Variants in PARP4 observed in about 807,000 individuals in gnomAD.
The protein encoded by PARP4 is poly(ADP-ribose) polymerase family member 4.
Under a neutral mutation model 187.7 loss-of-function variants are expected in PARP4, and 120 were observed. That is an observed-to-expected ratio of 0.64 (90% CI 0.55 to 0.74). The LOEUF is 0.74. Ranked by LOEUF, PARP4 falls within the 30% of genes least tolerant of loss-of-function variation. PARP4 has a pLI of 0.00. For synonymous variants in PARP4, 654 were observed against 740.9 expected, an observed-to-expected ratio of 0.88 and a Z score of 1.90; for missense variants, 1,836 against 2,070.5, an observed-to-expected ratio of 0.89 and a Z score of 2.20.
At chr13:24,445,833 C>T (rs895972799) in intron 27 of PARP4, among the ~76,000 whole-genome samples, 10 of 152,098 alleles carry the variant, frequency 6.6e-5, no homozygotes, top group African/African-American at 1.9e-4. Context: ...TACTTGCTAC[C>T]GGTGTCTGGA....
At chr13:24,465,344 T>C (rs1290872870) in intron 17 of PARP4, among the ~76,000 whole-genome samples, 2 of 152,174 alleles carry the variant, frequency 1.3e-5, no homozygotes, top group African/African-American at 4.8e-5. Context: ...CATGTGTATG[T>C]TCGTTGCAGC....
intron 1 of PARP4, 27 bp from the exon 2 acceptor site, chr13:24,503,804 C>T (rs746712103): frequency 3.7e-6 from 6 of 1,602,780 alleles, no homozygotes; most frequent in Non-Finnish European, 5.1e-6. Context: ...TTTTAAGGAC[C>T]CTCTCTTAAG....
intron 17 of PARP4, among the ~76,000 whole-genome samples, chr13:24,466,322 C>A (rs1593620177): frequency 6.6e-6 from 1 of 152,154 alleles, no homozygotes; most frequent in African/African-American, 2.4e-5. Context: ...GCTGGGACTA[C>A]AGGCATGCAT....
At chr13:24,499,508 A>T (rs1328875903) in intron 4 of PARP4, 132 bp from the exon 5 acceptor site, 11 of 691,168 alleles carry the variant, frequency 1.6e-5, no homozygotes, top group Non-Finnish European at 2.5e-5. Context: ...TGGTAAGTCC[A>T]CATGGTAAGT....
chr13:24,434,369 G>C lies in PARP4; in HGVS notation c.4746+26C>G, dbSNP rs1870495038. On this transcript the variant is annotated intron_variant, in intron 31 of 33. Transcript: ENST00000381989. ...TAAACTATGAAGCCAGCCAACCACA[G>C]ATTTAAGGAGAAATAAGACACATAC... The C allele has an allele frequency of 4.6e-6, 7 of 1,516,220 alleles. No homozygotes were observed. The African/African-American group carries it at 7.0e-5, about 15-fold the overall frequency. 93.9% of individuals were successfully genotyped at this position (1,516,220 alleles called of 1,614,324 possible).
At chr13:24,492,317 G>C in intron 9 of PARP4, 104 bp downstream of exon 9, 1 of 751,126 alleles carries the variant, frequency 1.3e-6, no homozygotes, top group Admixed American at 3.0e-5. Flanking sequence ...TACAACTCTG[G>C]AGACAATTTC....
intron 15 of PARP4, 135 bp from the exon 16 acceptor site, chr13:24,470,160 C>A (rs1872670986): frequency 7.8e-6 from 6 of 765,218 alleles, no homozygotes; most frequent in Admixed American, 5.6e-5. Flanking sequence ...AAATTCCCAA[C>A]CCTGGCTTCA....
rs563697536 is a variant in PARP4 at position 24,485,933 on chromosome 13, C to T, written c.1352+235G>A. On this transcript the variant is annotated intron_variant, in intron 11 of 33. Transcript: ENST00000381989. ...CCCTGGCCTCAAGTGATCCTTCTGC[C>T]TCAGCCTCCCAAAGTATTAGGATTA... 5.9e-5 allele frequency among the ~76,000 whole-genome samples: 9 copies of T among 152,260 alleles called. No individual in the cohort carries two copies. In the East Asian group the frequency reaches 1.3e-3, roughly 23 times the overall value.
At chr13:24,440,418 T>A (rs201773518) in intron 30 of PARP4, among the ~76,000 whole-genome samples, 61 of 31,304 alleles carry the variant, frequency 1.9e-3, no homozygotes, top group Middle Eastern at 0.015. Context: ...AAAATTAAAA[T>A]TAAAAAAAAA....
rs368905646 is a variant in PARP4, at chr13:24,469,874, G to A, written c.2046+20C>T. The A allele has an allele frequency of 1.3e-4, 204 of 1,605,868 alleles. No individual in the cohort carries two copies. The African/African-American group carries it at 2.3e-3, about 18-fold the overall frequency. ...GACTTTGAAAGCCGAGAGCGGGCACGATGCATCTTCTTGCCTTACCTCTCC... is the reference window on the plus strand; with the variant it reads ...GACTTTGAAAGCCGAGAGCGGGCACAATGCATCTTCTTGCCTTACCTCTCC... On this transcript the variant is annotated intron_variant, in intron 16 of 33. Transcript: ENST00000381989.
chr13:24,449,387 CAAAAAA>C (rs55699776), intron 25 of PARP4, among the ~76,000 whole-genome samples: 1 of 82,098 alleles, frequency 1.2e-5, no homozygotes. Context: ...GACTCTGTCT[CAAAAAA>C]AAAAAAAAAA....
Position 24,435,069 on chromosome 13 carries a change from GT to G in PARP4, c.4071del (p.Arg1357SerfsTer50). On this transcript the variant is annotated frameshift_variant, in exon 31 of 34. Coordinates refer to ENST00000381989, the MANE Select transcript of PARP4 (RefSeq NM_006437.4). LOFTEE classifies it high-confidence loss of function. ...TGGCTGAATTGAGATGCATCAAACTGTCTGGGAGGAGCAGCTGAACCGAAAC... is the reference window on the plus strand; with the variant it reads ...TGGCTGAATTGAGATGCATCAAACTGCTGGGAGGAGCAGCTGAACCGAAAC... ...VASFGSAAPP[R>X]QFDASQFSQG... 1.9e-6 allele frequency: 3 copies of G among 1,614,154 alleles called. No homozygotes were observed. The highest frequency in any genetic ancestry group is 2.5e-6 in the Non-Finnish European group (3 of 1,180,036).
At position 24,460,041 on chromosome 13, in the gene PARP4, A is replaced by G. The variant is rs1872126338; in HGVS notation, c.2229T>C (p.Val743=). The G allele has an allele frequency of 1.2e-6, 2 of 1,613,946 alleles. No individual in the cohort carries two copies. Among genetic ancestry groups the G allele is most frequent in the Admixed American group, 3.3e-5 (2 of 59,992 alleles). ...YITELSILGT[V]GVFFMPATVA... ...CGGTGGCGGGCATGAAAAAGACACCAACAGTGCCCAGGATGCTGAGTTCTG... is the reference window on the plus strand; with the variant it reads ...CGGTGGCGGGCATGAAAAAGACACCGACAGTGCCCAGGATGCTGAGTTCTG... Residue 743 remains valine, a synonymous_variant, in exon 18 of 34, where the codon GTT becomes GTC. Transcript: ENST00000381989.
chr13:24,466,789 T>G (rs1593620688), intron 17 of PARP4, among the ~76,000 whole-genome samples: 1 of 85,216 alleles, frequency 1.2e-5, no homozygotes, highest in Non-Finnish European at 2.3e-5. Flanking sequence ...ACAGTGAGAC[T>G]CTGTCTCAAA....
At chr13:24,443,309 T>C (rs1871041449) in intron 28 of PARP4, among the ~76,000 whole-genome samples, 1 of 151,954 alleles carries the variant, frequency 6.6e-6, no homozygotes, top group African/African-American at 2.4e-5. Flanking sequence ...CTCTCATCAG[T>C]AAGATGGGAA....
chr13:24,424,631 C>T (rs1358259924), intron 33 of PARP4, among the ~76,000 whole-genome samples: 2 of 151,300 alleles, frequency 1.3e-5, no homozygotes, highest in Non-Finnish European at 2.9e-5. Flanking sequence ...TTTTTTAATC[C>T]TTAGGTACTA....
At chr13:24,481,418 C>T (rs9578743) in intron 12 of PARP4, among the ~76,000 whole-genome samples, 2,311 of 152,258 alleles carry the variant, frequency 0.015, 69 homozygotes, top group African/African-American at 0.052. Flanking sequence ...TTGGGCTGGG[C>T]GTGGTGGCTC....
At chr13:24,457,185 T>G (rs899687166) in intron 20 of PARP4, among the ~76,000 whole-genome samples, 3 of 152,124 alleles carry the variant, frequency 2.0e-5, no homozygotes, top group African/African-American at 7.2e-5. Context: ...TATATTATAT[T>G]TTCATGAATA....
At chr13:24,425,543 A>ATGTG (rs34792097) in intron 33 of PARP4, among the ~76,000 whole-genome samples, 102 of 145,006 alleles carry the variant, frequency 7.0e-4, no homozygotes, top group African/African-American at 2.3e-3. Flanking sequence ...GCATGTGTGC[A>ATGTG]TGTGTGTGTG....
Sources: gnomAD v4.1 joint callset for allele counts (sites outside exome capture counted in the v4.1 genomes callset) on GRCh38, gnomAD v4.1.1 for gene constraint, MANE v1.5 for transcripts, NCBI Gene and HGNC (gene_info 2026-07-23, HGNC 2026-07-21) for gene names.